The following SGMS1 variants were observed in gnomAD, a reference collection of about 807,000 sequenced individuals.
The protein encoded by SGMS1 is sphingomyelin synthase 1.
In SGMS1, 13 loss-of-function variants were observed where a neutral mutation model predicts 46.2. The observed-to-expected ratio is 0.28, with a 90% CI of 0.18 to 0.45. The LOEUF is 0.45. SGMS1 is among the 20% of genes least tolerant of loss of function. The pLI, the probability that SGMS1 is intolerant of heterozygous loss-of-function variation, is 1.00. For synonymous variants in SGMS1, 203 were observed against 187.8 expected, an observed-to-expected ratio of 1.08 and a Z score of -0.66; for missense variants, 324 against 519.9, an observed-to-expected ratio of 0.62 and a Z score of 3.66.
At chr10:50,586,231 C>A (rs556226393) in intron 2 of SGMS1, among the ~76,000 whole-genome samples, 10 of 152,148 alleles carry the variant, frequency 6.6e-5, no homozygotes. Context: ...GGTGGACTTG[C>A]TAAATTGAGC....
chr10:50,606,474 T>C (rs1354702351), intron 1 of SGMS1, among the ~76,000 whole-genome samples: 1 of 152,268 alleles, frequency 6.6e-6, no homozygotes, highest in Non-Finnish European at 1.5e-5. Flanking sequence ...ACATTTTGTG[T>C]ATGTGTATTT....
chr10:50,359,393 C>T (rs908089985), intron 6 of SGMS1, among the ~76,000 whole-genome samples: 5 of 152,050 alleles, frequency 3.3e-5, no homozygotes, highest in African/African-American at 7.2e-5. Context: ...CCCATTCCAT[C>T]GTAGTAGCCT....
intron 1 of SGMS1, among the ~76,000 whole-genome samples, chr10:50,606,305 G>T (rs1034032238): frequency 2.0e-5 from 3 of 152,168 alleles, no homozygotes; most frequent in African/African-American, 7.2e-5. Context: ...TTTTCCAGGG[G>T]CTAGGGGTAA....
intron 3 of SGMS1, among the ~76,000 whole-genome samples, chr10:50,491,319 C>G (rs1249483178): frequency 6.6e-6 from 1 of 152,176 alleles, no homozygotes; most frequent in East Asian, 1.9e-4. Flanking sequence ...TATCACTGTA[C>G]TCTAGCCTGG....
At chr10:50,576,884 T>G (rs945482901) in intron 2 of SGMS1, among the ~76,000 whole-genome samples, 2 of 152,222 alleles carry the variant, frequency 1.3e-5, no homozygotes, top group Non-Finnish European at 2.9e-5. Context: ...ATGGTTGTCC[T>G]ATGGGCAAAT....
rs1848910414 is a variant in SGMS1, at chr10:50,400,044, G to A, written c.-232+33432C>T. Among the ~76,000 whole-genome samples the A allele has an allele frequency of 2.1e-5, 3 of 145,300 alleles. No homozygotes were observed. The Admixed American group carries it at 2.1e-4, about 10-fold the overall frequency. Reference sequence around the variant, plus strand: ...ACTCCTTCTCAAAAAAAAAAAAAAAGAGTTCAAGGAAGGAATCTGGAAGTA... The same window carrying A: ...ACTCCTTCTCAAAAAAAAAAAAAAAAAGTTCAAGGAAGGAATCTGGAAGTA... On this transcript the variant is annotated intron_variant, in intron 6 of 10. Transcript: ENST00000361781.
At chr10:50,333,705 T>TAG (rs1426751848) in intron 7 of SGMS1, among the ~76,000 whole-genome samples, 1 of 152,174 alleles carries the variant, frequency 6.6e-6, no homozygotes, top group East Asian at 1.9e-4. Flanking sequence ...CTAAACATGG[T>TAG]AGAACAGACA....
intron 7 of SGMS1, among the ~76,000 whole-genome samples, chr10:50,328,589 C>G (rs1243644483): frequency 1.3e-5 from 2 of 152,188 alleles, no homozygotes; most frequent in African/African-American, 4.8e-5. Context: ...TTATCCACAT[C>G]TGCACAGCCC....
chr10:50,542,503 T>A (rs900295124), intron 2 of SGMS1, among the ~76,000 whole-genome samples: 4 of 151,672 alleles, frequency 2.6e-5, no homozygotes, highest in African/African-American at 9.7e-5. Flanking sequence ...ATATGTATAT[T>A]TGCTCTTAAA....
intron 5 of SGMS1, among the ~76,000 whole-genome samples, chr10:50,445,645 C>A (rs1304191891): frequency 6.6e-6 from 1 of 152,082 alleles, no homozygotes; most frequent in Non-Finnish European, 1.5e-5. Context: ...TCTCTTAATC[C>A]CGTCATCTTC....
chr10:50,322,356 A>C (rs543648465), intron 8 of SGMS1, among the ~76,000 whole-genome samples: 1 of 152,374 alleles, frequency 6.6e-6, no homozygotes, highest in Non-Finnish European at 1.5e-5. Flanking sequence ...GAGAGTCGAA[A>C]ACAGTGCAAG....
At chr10:50,526,659 C>T (rs972710126) in intron 2 of SGMS1, among the ~76,000 whole-genome samples, 3 of 152,152 alleles carry the variant, frequency 2.0e-5, no homozygotes, top group South Asian at 2.1e-4. Context: ...ATTATTACTG[C>T]CAAATAATTT....
At chr10:50,614,864 T>G (rs540664631) in intron 1 of SGMS1, among the ~76,000 whole-genome samples, 32 of 152,372 alleles carry the variant, frequency 2.1e-4, no homozygotes, top group African/African-American at 7.7e-4. Flanking sequence ...TTGGGCAAAT[T>G]ACTTCTGTCC....
chr10:50,468,188 C>T (rs1837347756), intron 3 of SGMS1, among the ~76,000 whole-genome samples: 1 of 152,114 alleles, frequency 6.6e-6, no homozygotes, highest in African/African-American at 2.4e-5. Context: ...TGACAGATAC[C>T]AATACTGAGT....
rs74333547 is a variant in SGMS1, at chr10:50,610,364, T to C, written c.-684+13343A>G. The stretch of plus-strand genomic sequence containing the variant: ...CTTTTAAATACCTTCCTGGTGAATT[T>C]AATGAGAGTTTTAGATGCACTGTCC... On this transcript the variant is annotated intron_variant, in intron 1 of 10. Transcript: ENST00000361781. Among the ~76,000 whole-genome samples the C allele has an allele frequency of 3.9e-4, 60 of 152,326 alleles. 3 individuals are homozygous for C. The East Asian group carries it at 0.011, about 28-fold the overall frequency.
chr10:50,571,564 G>A (rs1257064513), intron 2 of SGMS1, among the ~76,000 whole-genome samples: 1 of 152,038 alleles, frequency 6.6e-6, no homozygotes, highest in Non-Finnish European at 1.5e-5. Context: ...TATACTTACA[G>A]AATAATATAG....
chr10:50,428,556 T>C (rs779250091), intron 6 of SGMS1, among the ~76,000 whole-genome samples: 11 of 152,208 alleles, frequency 7.2e-5, no homozygotes, highest in Admixed American at 2.6e-4. Context: ...CCCGTAATGA[T>C]AGAAGCTGTC....
intron 6 of SGMS1, among the ~76,000 whole-genome samples, chr10:50,378,924 G>C (rs1368928887): frequency 6.6e-6 from 1 of 152,058 alleles, no homozygotes; most frequent in African/African-American, 2.4e-5. Context: ...AACCCATATC[G>C]TATTGAACAT....
At chr10:50,547,161 A>G (rs938439038) in intron 2 of SGMS1, among the ~76,000 whole-genome samples, 1 of 152,194 alleles carries the variant, frequency 6.6e-6, no homozygotes, top group Non-Finnish European at 1.5e-5. Context: ...TTTCTATTGA[A>G]CCAAACGTAC....
Sources: gnomAD v4.1 joint callset for allele counts (sites outside exome capture counted in the v4.1 genomes callset) on GRCh38, gnomAD v4.1.1 for gene constraint, MANE v1.5 for transcripts, NCBI Gene and HGNC (gene_info 2026-07-23, HGNC 2026-07-21) for gene names.